The following EXD2 variants were observed in gnomAD, a reference collection of about 807,000 sequenced individuals.
EXD2 encodes exonuclease 3'-5' domain-containing protein 2.
A neutral mutation model predicts 62.5 loss-of-function variants in EXD2; 40 were observed. That is an observed-to-expected ratio of 0.64 (90% CI 0.50 to 0.83). The LOEUF (loss-of-function observed/expected upper bound fraction) is 0.83, where lower values mean the gene tolerates loss of function less well. Among genes scored for constraint, EXD2 ranks in the 40% least tolerant of loss-of-function variants. The pLI, the probability that EXD2 is intolerant of heterozygous loss-of-function variation, is 0.00. For missense variants in EXD2, 671 were observed against 761.8 expected (o/e 0.88, Z 1.40); for synonymous variants, 239 against 291.9 (o/e 0.82, Z 1.85).
chr14:69,215,867 C>G (rs1393230722), intron 3 of EXD2, among the ~76,000 whole-genome samples: 1 of 147,800 alleles, frequency 6.8e-6, no homozygotes, highest in Admixed American at 6.7e-5. Flanking sequence ...TATAGAAGTT[C>G]TTTACATATT....
intron 1 of EXD2, among the ~76,000 whole-genome samples, chr14:69,203,650 C>T (rs1008864692): frequency 3.9e-5 from 6 of 152,262 alleles, no homozygotes; most frequent in African/African-American, 1.4e-4. Context: ...GTGATGAACT[C>T]GGTTACTGGA....
chr14:69,233,764 C>CTTTT (rs1392382633), intron 5 of EXD2, among the ~76,000 whole-genome samples: 1 of 115,230 alleles, frequency 8.7e-6, no homozygotes, highest in Non-Finnish European at 1.9e-5. Flanking sequence ...GACCACGCTA[C>CTTTT]TTTTTTTTTT....
intron 1 of EXD2, among the ~76,000 whole-genome samples, chr14:69,198,312 C>A (rs1299973448): frequency 6.6e-6 from 1 of 152,136 alleles, no homozygotes; most frequent in Non-Finnish European, 1.5e-5. Context: ...TCATTCTGTT[C>A]AGGAGCTGTG....
intron 3 of EXD2, among the ~76,000 whole-genome samples, chr14:69,216,438 T>C (rs1207325224): frequency 6.6e-6 from 1 of 152,180 alleles, no homozygotes; most frequent in Non-Finnish European, 1.5e-5. Flanking sequence ...CTCTACATTT[T>C]CTTTTTTGTG....
intron 1 of EXD2, among the ~76,000 whole-genome samples, chr14:69,194,639 G>A (rs950528564): frequency 3.3e-5 from 5 of 152,062 alleles, no homozygotes; most frequent in African/African-American, 7.2e-5. Flanking sequence ...GAGCCACCTC[G>A]CCTGGCCTCA....
At chr14:69,218,305 A>G (rs145850281) in intron 3 of EXD2, among the ~76,000 whole-genome samples, 1,870 of 152,172 alleles carry the variant, frequency 0.012, 44 homozygotes, top group African/African-American at 0.043. Flanking sequence ...ACATTTTTTC[A>G]TGTGTCTTTT....
At chr14:69,211,496 C>G (rs1486041771) in intron 3 of EXD2, among the ~76,000 whole-genome samples, 2 of 149,130 alleles carry the variant, frequency 1.3e-5, no homozygotes, top group African/African-American at 2.5e-5. Flanking sequence ...GATGCCAACA[C>G]TGTGATGACC....
At chr14:69,215,295 T>TAC (rs1413601922) in intron 3 of EXD2, among the ~76,000 whole-genome samples, 3 of 68,352 alleles carry the variant, frequency 4.4e-5, no homozygotes, top group Middle Eastern at 5.7e-3. Context: ...ATCTCAAAAA[T>TAC]ATATGTGTGT....
chr14:69,196,200 T>G (rs954802677), intron 1 of EXD2: 1 of 152,210 alleles, frequency 6.6e-6, no homozygotes, highest in African/African-American at 2.4e-5. Flanking sequence ...CTTCTCCTCC[T>G]CCTGTAAGGA....
At chr14:69,227,430 T>A (rs1272686434) in intron 3 of EXD2, among the ~76,000 whole-genome samples, 3 of 152,248 alleles carry the variant, frequency 2.0e-5, no homozygotes, top group Non-Finnish European at 4.4e-5. Context: ...TAATCTGGGT[T>A]CTATGGATAG....
chr14:69,231,370 C>T (rs763550426), intron 5 of EXD2, among the ~76,000 whole-genome samples: 2 of 152,046 alleles, frequency 1.3e-5, no homozygotes, highest in Non-Finnish European at 2.9e-5. Flanking sequence ...TGACATCATA[C>T]TGTGGGAGAT....
At chr14:69,196,709 A>G (rs2042216507) in intron 1 of EXD2, among the ~76,000 whole-genome samples, 1 of 151,256 alleles carries the variant, frequency 6.6e-6, no homozygotes, top group Non-Finnish European at 1.5e-5. Context: ...CTGCAGCCTC[A>G]AACTCCTGAA....
At chr14:69,235,973 G>T in intron 6 of EXD2, 73 bp from the exon 7 acceptor site, 3 of 1,059,458 alleles carry the variant, frequency 2.8e-6, no homozygotes, top group Non-Finnish European at 3.0e-6. Context: ...TCAGAAGAGA[G>T]CATGGGAAGG....
intron 2 of EXD2, among the ~76,000 whole-genome samples, chr14:69,204,407 C>G (rs1158506434): frequency 6.6e-6 from 1 of 152,006 alleles, no homozygotes; most frequent in Non-Finnish European, 1.5e-5. Flanking sequence ...CGCATCTCTA[C>G]AAGAAATCAA....
intron 9 of EXD2, 142 bp from the exon 10 acceptor site, chr14:69,240,742 T>G: frequency 1.6e-6 from 1 of 635,658 alleles, no homozygotes; most frequent in East Asian, 2.8e-5. Flanking sequence ...AGAAAGAGGA[T>G]GTTTCGAAAA....
intron 1 of EXD2, among the ~76,000 whole-genome samples, chr14:69,202,704 A>G (rs2042450274): frequency 6.6e-6 from 1 of 152,214 alleles, no homozygotes; most frequent in South Asian, 2.1e-4. Context: ...ATGTTAGGAG[A>G]TGTTATTTTC....
At chr14:69,223,319 T>C (rs2043249787) in intron 3 of EXD2, among the ~76,000 whole-genome samples, 1 of 152,216 alleles carries the variant, frequency 6.6e-6, no homozygotes, top group African/African-American at 2.4e-5. Flanking sequence ...AAACTTAACA[T>C]GTTCCTAACA....
Position 69,236,077 on chromosome 14 carries a change from C to T in EXD2, c.1081C>T (p.His361Tyr). 1 of 1,614,136 alleles carries T rather than the reference C, an allele frequency of 6.2e-7. No homozygotes were observed. Among genetic ancestry groups the T allele is most frequent in the Non-Finnish European group, 8.5e-7 (1 of 1,180,012 alleles). ...ACCTCTTTATGATAACTGCTTTCTCCATGCTCCTGATGGACAGCCCCTCTG... is the reference window on the plus strand; with the variant it reads ...ACCTCTTTATGATAACTGCTTTCTCTATGCTCCTGATGGACAGCCCCTCTG... ...KSPLYDNCFL[H>Y]APDGQPLCTC... Residue 361 changes from histidine (H) to tyrosine (Y), a missense_variant, in exon 7 of 10, where the codon CAT becomes TAT. Coordinates refer to ENST00000685843, the MANE Select transcript of EXD2 (RefSeq NM_001193360.2).
At chr14:69,233,860 G>A (rs1002780514) in intron 5 of EXD2, among the ~76,000 whole-genome samples, 2 of 151,584 alleles carry the variant, frequency 1.3e-5, no homozygotes, top group African/African-American at 4.9e-5. Flanking sequence ...TCGTCTCCTG[G>A]GTTCAAGCGA....
Sources: gnomAD v4.1 joint callset for allele counts (sites outside exome capture counted in the v4.1 genomes callset) on GRCh38, gnomAD v4.1.1 for gene constraint, MANE v1.5 for transcripts, NCBI Gene and HGNC (gene_info 2026-07-23, HGNC 2026-07-21) for gene names.